The following SLC2A13 variants were observed in gnomAD, a reference collection of about 807,000 sequenced individuals.
The protein encoded by SLC2A13 is proton myo-inositol cotransporter.
In SLC2A13, 32 loss-of-function variants were observed where a neutral mutation model predicts 64.4. The ratio of observed to expected loss-of-function variants is 0.50; its 90% CI spans 0.37 to 0.67. The LOEUF is 0.67. Ranked by LOEUF, SLC2A13 falls within the 30% of genes least tolerant of loss-of-function variation. The pLI is 0.00. For synonymous variants in SLC2A13, 338 were observed against 327.1 expected, an observed-to-expected ratio of 1.03 and a Z score of -0.36; for missense variants, 743 against 829.2, an observed-to-expected ratio of 0.90 and a Z score of 1.28.
intron 7 of SLC2A13, among the ~76,000 whole-genome samples, chr12:39,766,321 A>C (rs80026238): frequency 0.014 from 2,128 of 152,220 alleles, 48 homozygotes; most frequent in African/African-American, 0.048. Flanking sequence ...CACTACATAT[A>C]AAAGTTATGT....
chr12:39,764,284 C>T (rs1196839348), intron 9 of SLC2A13, among the ~76,000 whole-genome samples, 176 bp downstream of exon 9: 1 of 151,962 alleles, frequency 6.6e-6, no homozygotes, highest in African/African-American at 2.4e-5. Flanking sequence ...TAGGAGAATC[C>T]CTCTCTTCTT....
chr12:39,921,570 C>T (rs984156499), intron 4 of SLC2A13, among the ~76,000 whole-genome samples: 1 of 152,076 alleles, frequency 6.6e-6, no homozygotes, highest in Non-Finnish European at 1.5e-5. Context: ...AAGAACAAAA[C>T]GTCCTCCAAA....
At chr12:40,000,094 C>T (rs183832087) in intron 3 of SLC2A13, among the ~76,000 whole-genome samples, 6 of 152,158 alleles carry the variant, frequency 3.9e-5, no homozygotes, top group Non-Finnish European at 8.8e-5. Context: ...AAAATGGGAG[C>T]TCCCCTGCAC....
Position 39,896,266 on chromosome 12 carries a change from G to A in SLC2A13, c.1035-24305C>T, listed in dbSNP as rs1462529614. Among the ~76,000 whole-genome samples the A allele has an allele frequency of 9.5e-5, 13 of 137,140 alleles. No individual in the cohort carries two copies. The Admixed American group carries it at 9.5e-4, about 10-fold the overall frequency. The allele number at this position is 137,140 out of a possible 152,430, so 90.0% of individuals were successfully genotyped here. ...TATGTATACATGTATGTATATGTGT[G>A]TATATATGTATACATGTATGTATAT... On this transcript the variant is annotated intron_variant, in intron 4 of 9. Coordinates refer to ENST00000280871, the MANE Select transcript of SLC2A13 (RefSeq NM_052885.4).
chr12:39,879,413 C>A (rs1944286398), intron 4 of SLC2A13, among the ~76,000 whole-genome samples: 1 of 152,206 alleles, frequency 6.6e-6, no homozygotes, highest in Non-Finnish European at 1.5e-5. Flanking sequence ...ATGGGATCAG[C>A]CCTGGGGACT....
At chr12:39,899,322 G>A (rs1592263030) in intron 4 of SLC2A13, among the ~76,000 whole-genome samples, 1 of 152,070 alleles carries the variant, frequency 6.6e-6, no homozygotes, top group South Asian at 2.1e-4. Context: ...GGGATTGGTG[G>A]TGATATCCCC....
At chr12:40,102,658 A>G (rs1939188282) in intron 1 of SLC2A13, among the ~76,000 whole-genome samples, 1 of 152,212 alleles carries the variant, frequency 6.6e-6, no homozygotes, top group South Asian at 2.1e-4. Context: ...TATCATAAGG[A>G]CAAAACAACA....
At chr12:39,981,465 T>G (rs1357449368) in intron 3 of SLC2A13, among the ~76,000 whole-genome samples, 3 of 151,034 alleles carry the variant, frequency 2.0e-5, no homozygotes. Flanking sequence ...AAGAATCAAA[T>G]GGACACAATA....
intron 1 of SLC2A13, among the ~76,000 whole-genome samples, chr12:40,059,432 A>T (rs1464572484): frequency 6.6e-6 from 1 of 152,172 alleles, no homozygotes; most frequent in Non-Finnish European, 1.5e-5. Flanking sequence ...ACACCACAAC[A>T]ATCAACTTCT....
chr12:39,967,513 C>T (rs990699078), intron 3 of SLC2A13, among the ~76,000 whole-genome samples: 2 of 152,088 alleles, frequency 1.3e-5, no homozygotes, highest in Admixed American at 1.3e-4. Context: ...ATATATGACT[C>T]CTTATGTAAA....
chr12:39,806,167 A>C (rs1210546478), intron 7 of SLC2A13, among the ~76,000 whole-genome samples: 1 of 152,212 alleles, frequency 6.6e-6, no homozygotes, highest in Non-Finnish European at 1.5e-5. Context: ...ACTAAAAATT[A>C]AGAAAAAAAT....
intron 1 of SLC2A13, among the ~76,000 whole-genome samples, chr12:40,064,301 A>G (rs1948475375): frequency 6.6e-6 from 1 of 152,088 alleles, no homozygotes; most frequent in African/African-American, 2.4e-5. Context: ...ATTAATATGT[A>G]TACTCACGCA....
At chr12:39,814,319 T>A (rs914980167) in intron 7 of SLC2A13, among the ~76,000 whole-genome samples, 4 of 152,188 alleles carry the variant, frequency 2.6e-5, no homozygotes, top group African/African-American at 9.6e-5. Context: ...AATTATGTAC[T>A]TATAATTTCC....
intron 6 of SLC2A13, among the ~76,000 whole-genome samples, chr12:39,836,564 C>T (rs895592357): frequency 2.7e-5 from 4 of 150,596 alleles, no homozygotes; most frequent in Non-Finnish European, 5.9e-5. Flanking sequence ...TGTTTGCAGA[C>T]GATATGATTG....
rs780836152 is a variant in SLC2A13 at position 40,105,538 on chromosome 12, C to T, written c.271G>A (p.Gly91Ser). The T allele has an allele frequency of 1.0e-5, 16 of 1,581,802 alleles. No homozygotes were observed. The highest frequency in any genetic ancestry group is 2.3e-5 in the South Asian group (2 of 86,950). The change falls in exon 1 of 10, where the codon GGC becomes AGC. Residue 91 changes from glycine to serine, a missense_variant. Physicochemically the swap from Gly to Ser is moderately conservative, Grantham distance 56. This residue lies in a region of SLC2A13 where 448 missense variants were observed against 447.4 expected (regional missense o/e 1.00). Transcript: ENST00000280871. This position sits in a 1 kb window ranked among gnomAD's most constrained non-coding sequence, Gnocchi z 4.2. ...VYVVAVFSAL[G>S]GFLFGYDTGV... ...GTGTCATAGCCAAACAGGAAGCCGC[C>T]CAGCGCGGAGAAGACGGCCACCACG... is the stretch of plus-strand genomic sequence containing the variant.
chr12:39,978,504 C>A (rs1213438780), intron 3 of SLC2A13, among the ~76,000 whole-genome samples: 1 of 152,206 alleles, frequency 6.6e-6, no homozygotes, highest in Non-Finnish European at 1.5e-5. Context: ...GGCATTGCCT[C>A]ACCTGGGAAG....
At chr12:39,980,693 A>G (rs1291013807) in intron 3 of SLC2A13, among the ~76,000 whole-genome samples, 2 of 151,738 alleles carry the variant, frequency 1.3e-5, no homozygotes, top group African/African-American at 4.8e-5. Context: ...AGTGACCTAC[A>G]AAGAGACTTA....
chr12:39,830,016 C>G (rs1401124354), intron 7 of SLC2A13, 87 bp downstream of exon 7: 1 of 1,536,376 alleles, frequency 6.5e-7, no homozygotes, highest in Non-Finnish European at 8.9e-7. Flanking sequence ...AAAAGAACTG[C>G]TATAAGTGCA....
At chr12:39,817,310 T>A (rs1378495541) in intron 7 of SLC2A13, among the ~76,000 whole-genome samples, 1 of 151,638 alleles carries the variant, frequency 6.6e-6, no homozygotes, top group Non-Finnish European at 1.5e-5. Flanking sequence ...ATGCAGGAGG[T>A]CATTAGACAA....
Sources: allele counts gnomAD v4.1 joint callset (sites outside exome capture counted in the v4.1 genomes callset), GRCh38; gene constraint gnomAD v4.1.1; regional missense constraint gnomAD v4.1.1; non-coding constraint Gnocchi (gnomAD v3.1); transcripts MANE v1.5; gene names NCBI Gene and HGNC (gene_info 2026-07-23, HGNC 2026-07-21).